The following GPRC6A variants were observed in gnomAD, a reference collection of about 807,000 sequenced individuals.
The protein encoded by GPRC6A is G protein-coupled receptor family C group 6 member A.
GPRC6A carries 54 observed loss-of-function variants against 47.0 expected under a neutral mutation model. The observed-to-expected ratio is 1.15, with a 90% CI of 0.92 to 1.44. The LOEUF is 1.44. Among genes scored for constraint, GPRC6A ranks in the 40% most tolerant of loss-of-function variants. The pLI is 0.00. For missense variants in GPRC6A, 1,112 were observed against 1,105.5 expected (o/e 1.01, Z -0.08); for synonymous variants, 347 against 377.1 (o/e 0.92, Z 0.93).
rs765415989 is a variant in GPRC6A, at chr6:116,809,345, GA to G, written c.466del (p.Ser156ProfsTer4). The G allele has an allele frequency of 6.2e-7, 1 of 1,613,512 alleles. No individual in the cohort carries two copies. The highest frequency in any genetic ancestry group is 1.1e-5 in the South Asian group (1 of 91,048). On this transcript the variant is annotated frameshift_variant, in exon 2 of 6. Coordinates refer to ENST00000310357, the MANE Select transcript of GPRC6A (RefSeq NM_148963.4). LOFTEE classifies it high-confidence loss of function. ...SGYSEITMAV[S>X]RMLNLQLMPQ... ...CATGAGCTGTAAATTCAACATCCTG[GA>G]GACAGCCATAGTTATTTCTGAGTAC...
intron 3 of GPRC6A, among the ~76,000 whole-genome samples, chr6:116,805,392 C>T (rs904780627): frequency 2.4e-4 from 36 of 151,692 alleles, no homozygotes; most frequent in African/African-American, 8.2e-4. Context: ...GTAGAAAAAA[C>T]TTGTTCTAGA....
rs149375105 is a variant in GPRC6A, at chr6:116,792,886, C to T, written c.2037G>A (p.Thr679=). The part of the protein sequence containing the change: ...SFTLCISCIL[T]KSLKILLAFS... The stretch of plus-strand genomic sequence containing the variant: ...AGGCTAGCAAAATTTTCAGAGACTT[C>T]GTCAAAATGCAGGAGATGCAAAGAG... Residue 679 remains threonine, a synonymous_variant, in exon 6 of 6, where the codon ACG becomes ACA. Coordinates refer to ENST00000310357, the MANE Select transcript of GPRC6A (RefSeq NM_148963.4). The T allele has an allele frequency of 8.7e-4, 1,397 of 1,614,052 alleles. 7 individuals carry two copies. In the African/African-American group the frequency reaches 0.015, roughly 18 times the overall value.
chr6:116,813,440 C>T (rs1375888296), intron 1 of GPRC6A, among the ~76,000 whole-genome samples: 2 of 152,098 alleles, frequency 1.3e-5, no homozygotes, highest in Non-Finnish European at 2.9e-5. Context: ...ACAGCGGCCT[C>T]AGGAATAATA....
intron 1 of GPRC6A, among the ~76,000 whole-genome samples, chr6:116,827,785 G>T (rs918851586): frequency 1.3e-5 from 2 of 151,644 alleles, no homozygotes; most frequent in Non-Finnish European, 2.9e-5. Flanking sequence ...GTTAATCAAT[G>T]ATTATGATGA....
chr6:116,812,900 TTCAGCAAAGTC>T (rs1313062604), intron 1 of GPRC6A, among the ~76,000 whole-genome samples: 1 of 152,188 alleles, frequency 6.6e-6, no homozygotes, highest in African/African-American at 2.4e-5. Context: ...GATAAGCAAC[TTCAGCAAAGTC>T]TCAGAATACA....
intron 3 of GPRC6A, 51 bp from the exon 4 acceptor site, chr6:116,800,847 T>A: frequency 9.1e-7 from 1 of 1,097,636 alleles, no homozygotes; most frequent in Non-Finnish European, 1.4e-6. Flanking sequence ...GTTGCAAATG[T>A]ATCCATTATT....
In GPRC6A at chr6:116,792,279, T is replaced by C; in HGVS notation, c.2644A>G (p.Asn882Asp). 6.2e-7 allele frequency: 1 copy of C among 1,614,070 alleles called. No individual in the cohort carries two copies. Among genetic ancestry groups the C allele is most frequent in the Non-Finnish European group, 8.5e-7 (1 of 1,179,946 alleles). Residue 882 changes from asparagine to aspartate, a missense_variant, in exon 6 of 6, where the codon AAT becomes GAT. Coordinates refer to ENST00000310357, the MANE Select transcript of GPRC6A (RefSeq NM_148963.4). ...DSMSGNVTMTNPSSSGKSATW... is the reference protein window; with the variant it reads ...DSMSGNVTMTDPSSSGKSATW... ...GCAGACTTGCCACTAGAGCTGGGATTGGTCATTGTGACATTGCCGCTCATG... is the reference window on the plus strand; with the variant it reads ...GCAGACTTGCCACTAGAGCTGGGATCGGTCATTGTGACATTGCCGCTCATG...
chr6:116,815,797 T>TA (rs916888500), intron 1 of GPRC6A, among the ~76,000 whole-genome samples: 1 of 152,098 alleles, frequency 6.6e-6, no homozygotes, highest in Non-Finnish European at 1.5e-5. Context: ...AAGATGGAAA[T>TA]AAAAAATCTT....
intron 5 of GPRC6A, among the ~76,000 whole-genome samples, chr6:116,794,382 G>A (rs1008239660): frequency 6.6e-6 from 1 of 152,082 alleles, no homozygotes; most frequent in Admixed American, 6.6e-5. Context: ...ACATTTAATG[G>A]CCTCATCTAG....
At chr6:116,804,180 G>A (rs571084445) in intron 3 of GPRC6A, among the ~76,000 whole-genome samples, 1 of 152,166 alleles carries the variant, frequency 6.6e-6, no homozygotes, top group African/African-American at 2.4e-5. Context: ...GTCACAGCAA[G>A]GAGGTGGTAT....
chr6:116,810,850 C>A (rs1302180347), intron 1 of GPRC6A, among the ~76,000 whole-genome samples: 4 of 152,012 alleles, frequency 2.6e-5, no homozygotes, highest in Non-Finnish European at 1.5e-5. Context: ...TTAGCCAGCA[C>A]CACTCAGGAC....
intron 1 of GPRC6A, among the ~76,000 whole-genome samples, chr6:116,815,027 A>G (rs773754857): frequency 2.0e-4 from 30 of 152,220 alleles, no homozygotes; most frequent in Non-Finnish European, 3.5e-4. Context: ...GGAAGAGGAA[A>G]TAATTTAAAA....
At chr6:116,813,652 A>G (rs1175910597) in intron 1 of GPRC6A, among the ~76,000 whole-genome samples, 1 of 152,126 alleles carries the variant, frequency 6.6e-6, no homozygotes, top group Non-Finnish European at 1.5e-5. Context: ...AACCATAAAA[A>G]CCCTAGAAGA....
rs1440240133 is a variant in GPRC6A at position 116,820,036 on chromosome 6, G to T, written c.194+8784C>A. Among the ~76,000 whole-genome samples the T allele has an allele frequency of 2.0e-5, 3 of 148,952 alleles. No homozygotes were observed. The South Asian group carries it at 6.4e-4, about 32-fold the overall frequency. ...AAATGATAAAAGGGATATCACCACCGATCCCACAGAAATACAAACTACCAT... is the reference window on the plus strand; with the variant it reads ...AAATGATAAAAGGGATATCACCACCTATCCCACAGAAATACAAACTACCAT... On this transcript the variant is annotated intron_variant, in intron 1 of 5. Transcript: ENST00000310357.
At chr6:116,818,772 A>G (rs553154493) in intron 1 of GPRC6A, among the ~76,000 whole-genome samples, 80 of 151,944 alleles carry the variant, frequency 5.3e-4, no homozygotes, top group African/African-American at 1.9e-3. Flanking sequence ...TGTAAAGACC[A>G]TCGAGACTAG....
intron 3 of GPRC6A, among the ~76,000 whole-genome samples, chr6:116,802,120 A>C (rs1265881274): frequency 1.3e-5 from 2 of 152,180 alleles, no homozygotes; most frequent in East Asian, 1.9e-4. Flanking sequence ...TAGGCTTTAT[A>C]GGCTAAAGTT....
At position 116,805,670 on chromosome 6, in the gene GPRC6A, C is replaced by T. The variant is rs192100921; in HGVS notation, c.1335+700G>A. On this transcript the variant is annotated intron_variant, in intron 3 of 5. Transcript: ENST00000310357. ...TAAAGCCATATTAAATTTTAAGTTT[C>T]CCCAAACTAATCAAAGAGAAGAAAG... Among the ~76,000 whole-genome samples, 698 of 152,106 alleles carry T rather than the reference C, an allele frequency of 4.6e-3. 2 individuals are homozygous for T. The highest frequency in any genetic ancestry group is 6.8e-3 in the South Asian group (33 of 4,824).
intron 4 of GPRC6A, among the ~76,000 whole-genome samples, chr6:116,797,572 GTC>G (rs1772530484): frequency 6.6e-6 from 1 of 152,116 alleles, no homozygotes; most frequent in South Asian, 2.1e-4. Flanking sequence ...AGGAAGACTT[GTC>G]TCTCTGTTTG....
chr6:116,826,297 CA>C (rs1168802003), intron 1 of GPRC6A, among the ~76,000 whole-genome samples: 2 of 151,778 alleles, frequency 1.3e-5, no homozygotes, highest in Non-Finnish European at 3.0e-5. Context: ...CATCCAACAA[CA>C]GACTAATATC....
Sources: gnomAD v4.1 joint callset for allele counts (sites outside exome capture counted in the v4.1 genomes callset) on GRCh38, gnomAD v4.1.1 for gene constraint, MANE v1.5 for transcripts, NCBI Gene and HGNC (gene_info 2026-07-23, HGNC 2026-07-21) for gene names.